Variants in KCNMA1 observed in about 807,000 individuals in gnomAD.
The protein encoded by KCNMA1 is Calcium-activated potassium channel subunit alpha-1.
KCNMA1 carries 29 observed loss-of-function variants against 140.0 expected under a neutral mutation model. The ratio of observed to expected loss-of-function variants is 0.21; its 90% confidence interval spans 0.15 to 0.28. KCNMA1 has a LOEUF of 0.28. Ranked by LOEUF, KCNMA1 falls within the 10% of genes least tolerant of loss-of-function variation. KCNMA1 has a pLI of 1.00. For missense variants in KCNMA1, 880 were observed against 1,602.2 expected (o/e 0.55, Z 7.70); for synonymous variants, 612 against 611.9 (o/e 1.00, Z 0.00).
chr10:76,920,039 TATATATATATATAC>T (rs1342462956), intron 23 of KCNMA1, among the ~76,000 whole-genome samples: 1,926 of 117,774 alleles, frequency 0.016, 83 homozygotes, highest in African/African-American at 0.062. Flanking sequence ...TATATATATA[TATATATATATATAC>T]ACACAATATT....
chr10:77,313,527 A>G lies in KCNMA1; in HGVS notation c.541-62271T>C, dbSNP rs1259008693. ...TACTGGGCCAAGACTTTAGGGCTACATACGTCACCCAAGAACAGCGAACAG... is the reference window on the plus strand; with the variant it reads ...TACTGGGCCAAGACTTTAGGGCTACGTACGTCACCCAAGAACAGCGAACAG... On this transcript the variant is annotated intron_variant, in intron 2 of 27. Transcript: ENST00000286628. Among the ~76,000 whole-genome samples, 5 of 152,210 alleles carry G rather than the reference A, an allele frequency of 3.3e-5. No homozygotes were observed. In the East Asian group the frequency reaches 7.7e-4, roughly 23 times the overall value.
At chr10:77,257,101 C>T (rs1271185340) in intron 2 of KCNMA1, among the ~76,000 whole-genome samples, 1 of 152,096 alleles carries the variant, frequency 6.6e-6, no homozygotes, top group African/African-American at 2.4e-5. Flanking sequence ...CAAGGCAAGA[C>T]CCTGTCTCAC....
At chr10:76,878,000 T>C (rs1018622888) in intron 29 of KCNMA1, 7 of 1,064,398 alleles carry the variant, frequency 6.6e-6, no homozygotes, top group Non-Finnish European at 9.9e-6. Context: ...AGGTAATCGA[T>C]AGAAGCCGAC....
chr10:77,206,816 A>AGGGGGGGGGGGGG (rs202180223), intron 3 of KCNMA1, among the ~76,000 whole-genome samples: 34 of 48,528 alleles, frequency 7.0e-4, no homozygotes, highest in Non-Finnish European at 9.3e-4. Flanking sequence ...GCAGGGAGGG[A>AGGGGGGGGGGGGG]GGGGGGGGCG....
At chr10:76,876,136 G>A (rs527943896), downstream of KCNMA1, 9 of 152,694 alleles carry the variant, frequency 5.9e-5, no homozygotes, top group African/African-American at 2.2e-4. Flanking sequence ...ATGTCTTCAT[G>A]ATGATCTCAT....
At chr10:77,012,377 G>C (rs1241300417) in intron 17 of KCNMA1, 6 of 1,513,974 alleles carry the variant, frequency 4.0e-6, no homozygotes, top group African/African-American at 1.4e-5. Flanking sequence ...GGGACATGTG[G>C]GCAATGAGCC....
chr10:77,321,002 A>G (rs1265503814), intron 2 of KCNMA1, among the ~76,000 whole-genome samples: 1 of 152,180 alleles, frequency 6.6e-6, no homozygotes, highest in African/African-American at 2.4e-5. Context: ...CACATCCCCC[A>G]TCAAAATATG....
chr10:77,602,128 C>T (rs1336381297), intron 1 of KCNMA1, among the ~76,000 whole-genome samples: 1 of 152,222 alleles, frequency 6.6e-6, no homozygotes, highest in Non-Finnish European at 1.5e-5. Context: ...CAATGCCTGA[C>T]AGCAAAATCT....
intron 1 of KCNMA1, among the ~76,000 whole-genome samples, chr10:77,491,436 C>A (rs542348333): frequency 6.6e-6 from 1 of 152,222 alleles, no homozygotes; most frequent in South Asian, 2.1e-4. Context: ...CCCCCCACGG[C>A]GTGCTATTAT....
chr10:77,271,663 T>C (rs1329724057), intron 2 of KCNMA1, among the ~76,000 whole-genome samples: 1 of 152,200 alleles, frequency 6.6e-6, no homozygotes, highest in Non-Finnish European at 1.5e-5. Context: ...CCCAGTTCAA[T>C]GGCTGCCAGT....
At chr10:77,336,431 TAA>T (rs545696225) in intron 2 of KCNMA1, among the ~76,000 whole-genome samples, 5 of 120,014 alleles carry the variant, frequency 4.2e-5, no homozygotes, top group African/African-American at 1.5e-4. Flanking sequence ...ACTCAATGCT[TAA>T]AAAAAAAAAA....
intron 17 of KCNMA1, among the ~76,000 whole-genome samples, chr10:77,015,638 C>T (rs181895517): frequency 2.0e-5 from 3 of 152,126 alleles, no homozygotes; most frequent in Non-Finnish European, 2.9e-5. Flanking sequence ...ACATCTCCTA[C>T]CTAACATAGC....
intron 10 of KCNMA1, among the ~76,000 whole-genome samples, 171 bp downstream of exon 10, chr10:77,090,229 A>G (rs536724852): frequency 6.6e-6 from 1 of 152,092 alleles, no homozygotes; most frequent in Non-Finnish European, 1.5e-5. Context: ...TTCCCTTTCC[A>G]TTGGTTCTGC....
intron 1 of KCNMA1, among the ~76,000 whole-genome samples, chr10:77,491,488 C>T (rs920705630): frequency 6.6e-6 from 1 of 152,128 alleles, no homozygotes; most frequent in Non-Finnish European, 1.5e-5. Flanking sequence ...TACAATGAGG[C>T]CACCCCGCCC....
Position 76,933,495 on chromosome 10 carries a change from A to G in KCNMA1, c.2902+11278T>C, listed in dbSNP as rs1417436087. ...AGTACCTTGGTTATACCATTAGTAC[A>G]CAAATAGCCAGGTGACCCTCTGTGA... On this transcript the variant is annotated intron_variant, in intron 23 of 27. Coordinates refer to ENST00000286628, the MANE Select transcript of KCNMA1 (RefSeq NM_001161352.2). Among the ~76,000 whole-genome samples the G allele has an allele frequency of 2.0e-5, 3 of 152,252 alleles. No individual in the cohort carries two copies. The East Asian group carries it at 5.8e-4, about 29-fold the overall frequency.
intron 1 of KCNMA1, among the ~76,000 whole-genome samples, chr10:77,559,208 C>T (rs1567543887): frequency 6.6e-6 from 1 of 152,232 alleles, no homozygotes; most frequent in African/African-American, 2.4e-5. Flanking sequence ...GAAGCACACA[C>T]TGGTGCATCC....
intron 3 of KCNMA1, among the ~76,000 whole-genome samples, chr10:77,229,266 G>T (rs480177): frequency 0.86 from 130,479 of 151,068 alleles, 56,697 homozygotes; most frequent in East Asian, 0.98. Flanking sequence ...CATAAACTGG[G>T]CTAAAGAATA....
intron 5 of KCNMA1, among the ~76,000 whole-genome samples, chr10:77,130,961 G>C (rs571556874): frequency 1.3e-5 from 2 of 152,202 alleles, no homozygotes; most frequent in East Asian, 3.9e-4. Flanking sequence ...AGGTTGATGG[G>C]GGGGTGGTTG....
At chr10:77,508,626 CT>C (rs1567225686) in intron 1 of KCNMA1, among the ~76,000 whole-genome samples, 1 of 113,532 alleles carries the variant, frequency 8.8e-6, no homozygotes, top group African/African-American at 3.1e-5. Context: ...CTCTCTCTCT[CT>C]TTTTTTCTTT....
Sources: allele counts gnomAD v4.1 joint callset (sites outside exome capture counted in the v4.1 genomes callset), GRCh38; gene constraint gnomAD v4.1.1; transcripts MANE v1.5; gene names NCBI Gene and HGNC (gene_info 2026-07-23, HGNC 2026-07-21).